CDH10: variants seen among roughly 807,000 people sequenced by gnomAD.
The protein encoded by CDH10 is cadherin 10.
CDH10 carries 30 observed loss-of-function variants against 73.1 expected under a neutral mutation model. The observed-to-expected ratio is 0.41, with a 90% CI of 0.31 to 0.56. CDH10 has a LOEUF of 0.56. Among genes scored for constraint, CDH10 ranks in the 20% least tolerant of loss-of-function variants. CDH10 has a pLI of 0.27. For missense variants in CDH10, 815 were observed against 973.7 expected (o/e 0.84, Z 2.17); for synonymous variants, 345 against 348.2 (o/e 0.99, Z 0.10).
intron 1 of CDH10, among the ~76,000 whole-genome samples, chr5:24,619,325 C>T (rs1022504585): frequency 6.6e-6 from 1 of 152,140 alleles, no homozygotes; most frequent in African/African-American, 2.4e-5. Context: ...TCCCAAGTAG[C>T]TGGGACTACA....
At chr5:24,596,638 A>G (rs1387066548) in intron 1 of CDH10, among the ~76,000 whole-genome samples, 1 of 152,002 alleles carries the variant, frequency 6.6e-6, no homozygotes, top group Non-Finnish European at 1.5e-5. Context: ...TAATTTTTAA[A>G]ACATCATTTT....
chr5:24,494,881 TTACAG>T (rs1389845525), intron 9 of CDH10, among the ~76,000 whole-genome samples: 2 of 152,076 alleles, frequency 1.3e-5, no homozygotes, highest in African/African-American at 4.8e-5. Flanking sequence ...CTATATTACA[TTACAG>T]TATATTTTTA....
In CDH10 at chr5:24,558,590, G is replaced by GTA. The variant is rs199532830; in HGVS notation, c.232-20918_232-20917dup. Among the ~76,000 whole-genome samples the GTA allele has an allele frequency of 3.6e-3, 548 of 151,700 alleles. 4 individuals are homozygous for GTA. The highest frequency in any genetic ancestry group is 0.012 in the African/African-American group (515 of 41,480). On this transcript the variant is annotated intron_variant, in intron 2 of 11. Transcript: ENST00000264463. The stretch of plus-strand genomic sequence containing the variant: ...TGCATTCAACTTCCAAAGGATGTAA[G>GTA]TATATACTTGAAGATATAATAAAAT...
intron 9 of CDH10, among the ~76,000 whole-genome samples, chr5:24,495,511 C>T (rs903702710): frequency 2.0e-5 from 3 of 151,820 alleles, no homozygotes; most frequent in African/African-American, 7.3e-5. Context: ...TATGGGAAGC[C>T]TTGGAGTTTC....
chr5:24,530,957 T>C (rs913283347), intron 5 of CDH10, among the ~76,000 whole-genome samples: 1 of 152,118 alleles, frequency 6.6e-6, no homozygotes, highest in Admixed American at 6.6e-5. Flanking sequence ...TTTATAATTA[T>C]CAATGTTCCC....
chr5:24,589,971 G>A (rs1481356811), intron 2 of CDH10, among the ~76,000 whole-genome samples: 1 of 151,994 alleles, frequency 6.6e-6, no homozygotes, highest in Non-Finnish European at 1.5e-5. Context: ...AAAGAGAGGG[G>A]AGTGAGTATA....
chr5:24,494,426 T>C (rs1203515870), intron 9 of CDH10, among the ~76,000 whole-genome samples: 1 of 151,868 alleles, frequency 6.6e-6, no homozygotes, highest in Non-Finnish European at 1.5e-5. Context: ...ATAAATGGAA[T>C]AACATCAAAA....
At chr5:24,522,456 G>T (rs187232404) in intron 5 of CDH10, among the ~76,000 whole-genome samples, 2 of 151,500 alleles carry the variant, frequency 1.3e-5, no homozygotes, top group East Asian at 3.9e-4. Flanking sequence ...GAATGCATGA[G>T]ATCCAGAAAG....
intron 1 of CDH10, among the ~76,000 whole-genome samples, chr5:24,641,202 C>A (rs1748038936): frequency 1.3e-5 from 2 of 151,838 alleles, no homozygotes; most frequent in Non-Finnish European, 2.9e-5. Context: ...GGCTCAAGGG[C>A]TCATACTAAA....
At chr5:24,599,064 C>T (rs1746472072) in intron 1 of CDH10, among the ~76,000 whole-genome samples, 1 of 152,100 alleles carries the variant, frequency 6.6e-6, no homozygotes, top group Admixed American at 6.6e-5. Flanking sequence ...CTCTGAGCAA[C>T]CTTTTTAACT....
At chr5:24,520,004 T>G (rs1185543014) in intron 5 of CDH10, among the ~76,000 whole-genome samples, 2 of 152,210 alleles carry the variant, frequency 1.3e-5, no homozygotes, top group Non-Finnish European at 2.9e-5. Context: ...GTGTGTTCAC[T>G]TGGCCTCCCC....
At chr5:24,515,722 G>A (rs62349563) in intron 5 of CDH10, among the ~76,000 whole-genome samples, 72,638 of 151,800 alleles carry the variant, frequency 0.48, 17,486 homozygotes, top group East Asian at 0.58. Flanking sequence ...GTCTTTCATG[G>A]CTGATATGGT....
At chr5:24,610,544 C>A (rs953190992) in intron 1 of CDH10, among the ~76,000 whole-genome samples, 4 of 151,990 alleles carry the variant, frequency 2.6e-5, no homozygotes, top group African/African-American at 9.7e-5. Context: ...TAGGTTTCCT[C>A]TGAATGGCAA....
intron 2 of CDH10, among the ~76,000 whole-genome samples, chr5:24,570,847 A>G (rs1462570908): frequency 1.3e-5 from 2 of 151,578 alleles, no homozygotes; most frequent in Non-Finnish European, 2.9e-5. Flanking sequence ...TTTGAGAATG[A>G]TTTGAAATAT....
intron 8 of CDH10, among the ~76,000 whole-genome samples, chr5:24,504,649 CT>C (rs1188028942): frequency 6.6e-6 from 1 of 151,400 alleles, no homozygotes; most frequent in Non-Finnish European, 1.5e-5. Flanking sequence ...CCTCAGCCTC[CT>C]GAGTAGCTGG....
intron 1 of CDH10, among the ~76,000 whole-genome samples, chr5:24,624,747 G>T (rs1418925883): frequency 6.6e-6 from 1 of 152,110 alleles, no homozygotes; most frequent in East Asian, 1.9e-4. Flanking sequence ...TGGTGAAAAA[G>T]GCAAGTCTGG....
intron 5 of CDH10, among the ~76,000 whole-genome samples, chr5:24,515,748 C>A (rs1247653174): frequency 2.6e-5 from 4 of 152,076 alleles, no homozygotes; most frequent in Non-Finnish European, 5.9e-5. Context: ...TGTGTCCCTG[C>A]CCAAATCTCA....
At chr5:24,543,783 G>T (rs1270262641) in intron 2 of CDH10, among the ~76,000 whole-genome samples, 1 of 152,060 alleles carries the variant, frequency 6.6e-6, no homozygotes, top group Non-Finnish European at 1.5e-5. Context: ...AACACAATCT[G>T]GTCAGAAATA....
At chr5:24,642,081 T>C (rs1408416808) in intron 1 of CDH10, among the ~76,000 whole-genome samples, 1 of 152,224 alleles carries the variant, frequency 6.6e-6, no homozygotes, top group Admixed American at 6.5e-5. Context: ...ACACTAGAGA[T>C]AGTTGGGTTT....
Sources: allele counts gnomAD v4.1 joint callset (sites outside exome capture counted in the v4.1 genomes callset), GRCh38; gene constraint gnomAD v4.1.1; transcripts MANE v1.5; gene names NCBI Gene and HGNC (gene_info 2026-07-23, HGNC 2026-07-21).